CRLF3: variants seen among roughly 807,000 people sequenced by gnomAD.
The protein encoded by CRLF3 is cytokine receptor like factor 3.
A neutral mutation model predicts 55.0 loss-of-function variants in CRLF3; 33 were observed. The observed-to-expected ratio is 0.60, with a 90% CI of 0.46 to 0.80. The LOEUF (loss-of-function observed/expected upper bound fraction) is 0.80. Ranked by LOEUF, CRLF3 falls within the 30% of genes least tolerant of loss-of-function variation. The pLI is 0.00. For synonymous variants in CRLF3, 238 were observed against 196.8 expected, an observed-to-expected ratio of 1.21 and a Z score of -1.75; for missense variants, 494 against 538.4, an observed-to-expected ratio of 0.92 and a Z score of 0.82.
intron 7 of CRLF3, among the ~76,000 whole-genome samples, chr17:30,785,370 C>T (rs890835424): frequency 4.6e-5 from 7 of 151,928 alleles, no homozygotes; most frequent in African/African-American, 9.7e-5. Context: ...CCACCGCGCC[C>T]GGCCTCTGGC....
chr17:30,824,369 G>A (rs1452778096), intron 1 of CRLF3, among the ~76,000 whole-genome samples, 154 bp downstream of exon 1: 1 of 87,384 alleles, frequency 1.1e-5, no homozygotes, highest in East Asian at 3.2e-4. Context: ...CACCTTCCCC[G>A]TTCCCAGACT....
chr17:30,795,509 A>G (rs1198663299), intron 4 of CRLF3, among the ~76,000 whole-genome samples: 1 of 142,292 alleles, frequency 7.0e-6, no homozygotes, highest in Non-Finnish European at 1.5e-5. Flanking sequence ...AAAAAAAAAA[A>G]AAGAAAATGT....
intron 6 of CRLF3, among the ~76,000 whole-genome samples, chr17:30,791,765 C>T (rs1971807037): frequency 6.6e-6 from 1 of 151,918 alleles, no homozygotes; most frequent in Non-Finnish European, 1.5e-5. Flanking sequence ...ATCCGCCCGC[C>T]TCAGCCTCCC....
chr17:30,796,662 A>C (rs368958722), intron 3 of CRLF3, among the ~76,000 whole-genome samples: 9 of 152,014 alleles, frequency 5.9e-5, no homozygotes, highest in African/African-American at 2.2e-4. Flanking sequence ...GTGTAGTAAT[A>C]CTATACCAAG....
Position 30,786,170 on chromosome 17 carries a change from G to C in CRLF3, c.960-139C>G, listed in dbSNP as rs2142240045. The C allele has an allele frequency of 5.0e-6, 3 of 601,932 alleles. No individual in the cohort carries two copies. The South Asian group carries it at 6.2e-5, about 12-fold the overall frequency. 37.3% of individuals were successfully genotyped at this position (601,932 alleles called of 1,614,324 possible). A position where few individuals can be genotyped will look rare whatever the true frequency, so the allele number is the denominator to read the frequency against. ...GTACAGCAACCATGATTGAGTTCTT[G>C]CTATACTCCAGGCACTGTTCTAATT... On this transcript the variant is annotated intron_variant, in intron 6 of 7. Coordinates refer to ENST00000324238, the MANE Select transcript of CRLF3 (RefSeq NM_015986.4).
chr17:30,784,343 G>A lies in CRLF3; in HGVS notation c.1173C>T (p.Thr391=), dbSNP rs756922692. The A allele has an allele frequency of 2.5e-6, 4 of 1,614,068 alleles. No individual in the cohort carries two copies. Among genetic ancestry groups the A allele is most frequent in the Non-Finnish European group, 3.4e-6 (4 of 1,179,960 alleles). The change falls in exon 8 of 8, where the codon ACC becomes ACT. Residue 391 remains threonine (T), a synonymous_variant. Coordinates refer to ENST00000324238, the MANE Select transcript of CRLF3 (RefSeq NM_015986.4). The stretch of plus-strand genomic sequence containing the variant: ...AGTGTCCACCTTCATTATTACTGGT[G>A]GTTCCTAGAGTCACGGCTTCAATGT... ...TFDIEAVTLG[T]TSNNEGGHFK... is the part of the protein sequence containing the mutation.
At chr17:30,790,353 C>G (rs571923908) in intron 6 of CRLF3, among the ~76,000 whole-genome samples, 9 of 152,000 alleles carry the variant, frequency 5.9e-5, no homozygotes, top group Admixed American at 1.3e-4. Flanking sequence ...TTAGTTTCTA[C>G]GAAGAGCTAT....
At chr17:30,788,589 G>A (rs1364861687) in intron 6 of CRLF3, among the ~76,000 whole-genome samples, 1 of 137,860 alleles carries the variant, frequency 7.3e-6, no homozygotes, top group African/African-American at 2.7e-5. Context: ...AAATAACAAA[G>A]TAGTGCCTTC....
chr17:30,793,132 G>A, intron 5 of CRLF3, among the ~76,000 whole-genome samples: 1 of 151,566 alleles, frequency 6.6e-6, no homozygotes, highest in Non-Finnish European at 1.5e-5. Flanking sequence ...GTGAGACCTT[G>A]TCTCAAAAAA....
intron 1 of CRLF3, chr17:30,810,077 C>T (rs1904565591): frequency 6.6e-6 from 1 of 152,188 alleles, no homozygotes; most frequent in South Asian, 2.1e-4. Flanking sequence ...GACAACCAAT[C>T]AGCTTCAAAT....
intron 1 of CRLF3, among the ~76,000 whole-genome samples, chr17:30,812,749 G>T (rs1470856470): frequency 6.6e-6 from 1 of 152,086 alleles, no homozygotes; most frequent in East Asian, 1.9e-4. Context: ...CTGATCCTGT[G>T]CCAGTTCCAG....
chr17:30,782,697 T>C lies in CRLF3; in HGVS notation c.*1490A>G, dbSNP rs913818289. On this transcript the variant is annotated 3_prime_UTR_variant, in exon 8 of 8. Coordinates refer to ENST00000324238, the MANE Select transcript of CRLF3 (RefSeq NM_015986.4). ...AAGTACACACACTGAACTTTTTTAG[T>C]TTTTTATTTTGATTCCTATGGCTGG... 6.6e-6 allele frequency: 1 copy of C among 152,268 alleles called. No homozygotes were observed. Among genetic ancestry groups the C allele is most frequent in the African/African-American group, 2.4e-5 (1 of 41,546 alleles). The allele number at this position is 152,268 out of a possible 1,614,324, so 9.4% of individuals were successfully genotyped here. A position where few individuals can be genotyped will look rare whatever the true frequency, so the allele number is the denominator to read the frequency against.
Position 30,812,113 on chromosome 17 carries a change from AAAAAATAAAAAT to A in CRLF3, c.130-8017_130-8006del, listed in dbSNP as rs562528495. On this transcript the variant is annotated intron_variant, in intron 1 of 7. Transcript: ENST00000324238. The stretch of plus-strand genomic sequence containing the variant: ...CGACAGAGCGAGACTCCGTCTAAAA[AAAAAATAAAAAT>A]AAAAATAAAAATAAAGACAAAGATA... 7.9e-5 allele frequency among the ~76,000 whole-genome samples: 12 copies of A among 152,216 alleles called. No individual in the cohort carries two copies. In the East Asian group the frequency reaches 9.6e-4, roughly 12 times the overall value.
chr17:30,806,504 C>T (rs1904407825), intron 1 of CRLF3, among the ~76,000 whole-genome samples: 1 of 152,102 alleles, frequency 6.6e-6, no homozygotes, highest in South Asian at 2.1e-4. Context: ...TTTCCAAGCA[C>T]ACCTGTGATT....
intron 1 of CRLF3, among the ~76,000 whole-genome samples, chr17:30,815,301 G>C (rs1270660615): frequency 6.6e-6 from 1 of 151,516 alleles, no homozygotes. Flanking sequence ...GGCCAGGCTG[G>C]TCTCGAACTC....
intron 1 of CRLF3, among the ~76,000 whole-genome samples, chr17:30,820,823 CAA>C (rs1163338509): frequency 0.19 from 12,176 of 64,400 alleles, 416 homozygotes; most frequent in South Asian, 0.3. Flanking sequence ...GAGACTCTCT[CAA>C]AAAAAAAAAA....
At chr17:30,785,851 G>A (rs1001393750) in intron 7 of CRLF3, 68 bp downstream of exon 7, 86 of 846,190 alleles carry the variant, frequency 1.0e-4, no homozygotes, top group Non-Finnish European at 1.4e-4. Context: ...TATGGAACTG[G>A]AACAGATTCA....
At chr17:30,798,373 G>GT (rs1042008808) in intron 2 of CRLF3, among the ~76,000 whole-genome samples, 1 of 147,954 alleles carries the variant, frequency 6.8e-6, no homozygotes, top group African/African-American at 2.5e-5. Context: ...GCGAGACTCC[G>GT]TCCCCCCCGC....
chr17:30,804,945 G>A (rs1904340681), intron 1 of CRLF3, among the ~76,000 whole-genome samples: 1 of 152,140 alleles, frequency 6.6e-6, no homozygotes, highest in Non-Finnish European at 1.5e-5. Flanking sequence ...CACTTTGGGA[G>A]GCCGAGGAGG....
Sources: gnomAD v4.1 joint callset for allele counts (sites outside exome capture counted in the v4.1 genomes callset) on GRCh38, gnomAD v4.1.1 for gene constraint, MANE v1.5 for transcripts, NCBI Gene and HGNC (gene_info 2026-07-23, HGNC 2026-07-21) for gene names.